Variants in DSCAM observed in about 807,000 individuals in gnomAD.
The protein encoded by DSCAM is cell adhesion molecule DSCAM.
A neutral mutation model predicts 217.7 loss-of-function variants in DSCAM; 47 were observed. The ratio of observed to expected loss-of-function variants is 0.22; its 90% CI spans 0.17 to 0.28. The LOEUF (loss-of-function observed/expected upper bound fraction) is 0.28. DSCAM is among the 10% of genes least tolerant of loss of function. The probability of loss-of-function intolerance (pLI) is 1.00; values close to 1 mark genes in which losing one functional copy is unlikely to be tolerated. For missense variants in DSCAM, 2,080 were observed against 2,618.3 expected, an observed-to-expected ratio of 0.79 and a Z score of 4.49; for synonymous variants, 1,056 against 1,015.3, an observed-to-expected ratio of 1.04 and a Z score of -0.76.
chr21:40,684,412 C>T (rs920665644), intron 3 of DSCAM, among the ~76,000 whole-genome samples: 1 of 152,004 alleles, frequency 6.6e-6, no homozygotes, highest in Non-Finnish European at 1.5e-5. Context: ...CTCCATCCTG[C>T]CCCATCTGCT....
At chr21:40,609,408 A>C (rs1420527123) in intron 3 of DSCAM, among the ~76,000 whole-genome samples, 2 of 152,214 alleles carry the variant, frequency 1.3e-5, no homozygotes, top group East Asian at 3.8e-4. Context: ...GCAAGATAGA[A>C]CACCTGTTTA....
chr21:40,252,978 G>C (rs191514637), intron 11 of DSCAM, among the ~76,000 whole-genome samples: 2 of 152,220 alleles, frequency 1.3e-5, no homozygotes, highest in South Asian at 2.1e-4. Context: ...GGTTGGGAGT[G>C]CCTGTAAAGT....
intron 3 of DSCAM, among the ~76,000 whole-genome samples, chr21:40,643,214 CTGAG>C (rs2089904566): frequency 6.6e-6 from 1 of 152,158 alleles, no homozygotes; most frequent in Admixed American, 6.5e-5. Flanking sequence ...CTGTCTTGAA[CTGAG>C]TAAGACAGAT....
intron 1 of DSCAM, among the ~76,000 whole-genome samples, chr21:40,731,736 C>T (rs1008823969): frequency 1.6e-5 from 2 of 128,854 alleles, no homozygotes; most frequent in African/African-American, 5.7e-5. Flanking sequence ...GCACCCCCCC[C>T]CCCGCCCCCC....
At chr21:40,591,631 T>A (rs146912865) in intron 3 of DSCAM, among the ~76,000 whole-genome samples, 1 of 152,272 alleles carries the variant, frequency 6.6e-6, no homozygotes, top group East Asian at 1.9e-4. Flanking sequence ...AAAAATGAGT[T>A]TGGAAAGAAC....
intron 3 of DSCAM, among the ~76,000 whole-genome samples, chr21:40,388,248 G>A (rs559973821): frequency 1.6e-4 from 24 of 152,298 alleles, no homozygotes; most frequent in African/African-American, 4.6e-4. Flanking sequence ...GAGAAAGAAC[G>A]AGGTATGCGT....
intron 1 of DSCAM, among the ~76,000 whole-genome samples, chr21:40,738,953 C>A (rs1309397765): frequency 1.3e-5 from 2 of 152,158 alleles, no homozygotes; most frequent in African/African-American, 4.8e-5. Flanking sequence ...AGCTGCTTCC[C>A]AGCTCCAACC....
intron 3 of DSCAM, among the ~76,000 whole-genome samples, chr21:40,475,802 G>C (rs757443624): frequency 3.3e-5 from 5 of 152,088 alleles, no homozygotes; most frequent in Non-Finnish European, 7.3e-5. Flanking sequence ...TCGCACTCCA[G>C]CCTGGGCAAC....
At chr21:40,796,777 T>C (rs987526382) in intron 1 of DSCAM, among the ~76,000 whole-genome samples, 9 of 152,194 alleles carry the variant, frequency 5.9e-5, no homozygotes. Context: ...TGATAAGTGC[T>C]GATTTAACAC....
chr21:40,828,316 G>A (rs1036643668), intron 1 of DSCAM, among the ~76,000 whole-genome samples: 2 of 152,210 alleles, frequency 1.3e-5, no homozygotes, highest in African/African-American at 4.8e-5. Flanking sequence ...GGACATGAAT[G>A]GAGGTTTCAG....
intron 2 of DSCAM, among the ~76,000 whole-genome samples, chr21:40,693,505 T>C (rs939531808): frequency 5.9e-5 from 9 of 152,002 alleles, no homozygotes; most frequent in Non-Finnish European, 1.3e-4. Context: ...AGATAGGAAA[T>C]AGCTTCATGA....
intron 2 of DSCAM, among the ~76,000 whole-genome samples, chr21:40,701,296 C>A (rs2090654034): frequency 1.3e-5 from 2 of 152,130 alleles, no homozygotes; most frequent in Admixed American, 1.3e-4. Flanking sequence ...TTATCTCCCT[C>A]ATTCTTGGTA....
At chr21:40,026,671 TTTATCCGAGACTA>T (rs1270457313) in intron 32 of DSCAM, among the ~76,000 whole-genome samples, 1 of 148,856 alleles carries the variant, frequency 6.7e-6, no homozygotes, top group African/African-American at 2.5e-5. Context: ...TAAAGTCTGT[TTTATCCGAGACTA>T]GGATTGCAAC....
At chr21:40,138,729 G>A (rs1310169838) in intron 18 of DSCAM, among the ~76,000 whole-genome samples, 1 of 143,308 alleles carries the variant, frequency 7.0e-6, no homozygotes, top group Non-Finnish European at 1.5e-5. Context: ...GTGTATGTAT[G>A]TGGTGTGCAG....
intron 1 of DSCAM, among the ~76,000 whole-genome samples, chr21:40,794,860 A>C (rs573817955): frequency 5.4e-5 from 8 of 148,320 alleles, no homozygotes; most frequent in African/African-American, 1.5e-4. Flanking sequence ...CTGGACTGAT[A>C]ATCTTCAGGC....
At chr21:40,037,882 T>C (rs1258477669) in intron 32 of DSCAM, among the ~76,000 whole-genome samples, 1 of 147,328 alleles carries the variant, frequency 6.8e-6, no homozygotes, top group African/African-American at 2.6e-5. Flanking sequence ...AACTATCTGA[T>C]CTTTGACCAA....
chr21:40,432,211 A>ATAATAAATAAATAAATAAAT (rs377527411), intron 3 of DSCAM, among the ~76,000 whole-genome samples: 2 of 46,794 alleles, frequency 4.3e-5, no homozygotes, highest in African/African-American at 1.2e-4. Context: ...ATAATAATAA[A>ATAATAAATAAATAAATAAAT]AAATAAATAT....
intron 11 of DSCAM, among the ~76,000 whole-genome samples, chr21:40,219,724 ATAT>A (rs972580293): frequency 6.6e-5 from 10 of 152,198 alleles, no homozygotes; most frequent in African/African-American, 2.4e-4. Context: ...CCAATATTCC[ATAT>A]TATCATTTAT....
chr21:40,222,596 T>C (rs1280394889), intron 11 of DSCAM, among the ~76,000 whole-genome samples: 1 of 152,248 alleles, frequency 6.6e-6, no homozygotes, highest in Non-Finnish European at 1.5e-5. Context: ...GTAGATTGAA[T>C]GCAGAAGCAG....
Sources: allele counts gnomAD v4.1 joint callset (sites outside exome capture counted in the v4.1 genomes callset), GRCh38; gene constraint gnomAD v4.1.1; transcripts MANE v1.5; gene names NCBI Gene and HGNC (gene_info 2026-07-23, HGNC 2026-07-21).